The following ZNF202 variants were observed in gnomAD, a reference collection of about 807,000 sequenced individuals.
ZNF202 encodes zinc finger protein 202.
A neutral mutation model predicts 54.5 loss-of-function variants in ZNF202; 22 were observed. That is an observed-to-expected ratio of 0.40 (90% CI 0.29 to 0.58). ZNF202 has a LOEUF of 0.58. ZNF202 is among the 20% of genes least tolerant of loss of function. The probability of loss-of-function intolerance (pLI) is 0.39; values close to 1 mark genes in which losing one functional copy is unlikely to be tolerated. For synonymous variants in ZNF202, 294 were observed against 301.4 expected (o/e 0.98, Z 0.26); for missense variants, 644 against 805.5 (o/e 0.80, Z 2.43).
Position 123,726,588 on chromosome 11 carries a change from A to G in ZNF202, c.1356T>C (p.Pro452=). The change falls in exon 9 of 9, where the codon CCT becomes CCC. Residue 452 remains proline (P), a synonymous_variant. Transcript: ENST00000530393. This position sits in a 1 kb window ranked among gnomAD's most constrained non-coding sequence, Gnocchi z 6.0. ...TCTTCCGGTTTAGGGGATATTTGTA[A>G]GGCGCGTTCATCTTGTGAACCTTTT... is the stretch of plus-strand genomic sequence containing the variant. ...RHQKVHKMNA[P]YKYPLNRKNL... The G allele has an allele frequency of 6.2e-7, 1 of 1,614,158 alleles. No individual in the cohort carries two copies. The highest frequency in any genetic ancestry group is 1.1e-5 in the South Asian group (1 of 91,082).
chr11:123,741,022 A>T (rs1861839575), intron 1 of ZNF202, among the ~76,000 whole-genome samples: 1 of 151,214 alleles, frequency 6.6e-6, no homozygotes, highest in Non-Finnish European at 1.5e-5. Flanking sequence ...AGGTGACAAG[A>T]TCACGGGTGA....
intron 5 of ZNF202, 146 bp downstream of exon 5, chr11:123,729,469 G>T: frequency 1.9e-6 from 2 of 1,067,556 alleles, no homozygotes; most frequent in Non-Finnish European, 2.6e-6. Flanking sequence ...TGGCGGTACT[G>T]TCTCCTCTTG....
chr11:123,737,772 T>G (rs1236497063), intron 3 of ZNF202, among the ~76,000 whole-genome samples: 2 of 152,218 alleles, frequency 1.3e-5, no homozygotes, highest in Non-Finnish European at 2.9e-5. Flanking sequence ...GTGACCTGTG[T>G]TCTGTCCACT....
chr11:123,734,250 G>A (rs1371572282), intron 3 of ZNF202, among the ~76,000 whole-genome samples: 2 of 152,106 alleles, frequency 1.3e-5, no homozygotes, highest in Non-Finnish European at 2.9e-5. Context: ...ACTCCAAGTA[G>A]GTGAGTGGTG....
Position 123,726,172 on chromosome 11 carries a change from C to T in ZNF202, c.1772G>A (p.Arg591Lys). The T allele has an allele frequency of 6.2e-7, 1 of 1,614,242 alleles. No individual in the cohort carries two copies. Among genetic ancestry groups the T allele is most frequent in the South Asian group, 1.1e-5 (1 of 91,090 alleles). Residue 591 changes from arginine to lysine, a missense_variant, in exon 9 of 9, where the codon AGG becomes AAG. Arg to Lys is a conservative substitution (Grantham distance 26). Around this residue, in one of 3 missense-constraint regions of ZNF202, gnomAD observed 536 missense variants for 635.3 expected, o/e 0.84. Coordinates refer to ENST00000530393, the MANE Select transcript of ZNF202 (RefSeq NM_003455.4). This position sits in a 1 kb window ranked among gnomAD's most constrained non-coding sequence, Gnocchi z 6.0. ...AKHLRGHASVRPCRCNECGKS... is the reference protein window; with the variant it reads ...AKHLRGHASVKPCRCNECGKS... ...CCCACATTCGTTGCATCGGCAGGGC[C>T]TCACTGAGGCGTGTCCTCTCAAGTG...
chr11:123,735,672 C>T (rs534078326), intron 3 of ZNF202, among the ~76,000 whole-genome samples: 4 of 152,088 alleles, frequency 2.6e-5, no homozygotes, highest in African/African-American at 9.7e-5. Flanking sequence ...TACCCAAGAG[C>T]CCTTGTAAAG....
intron 3 of ZNF202, 104 bp downstream of exon 3, chr11:123,740,013 G>A (rs192711668): frequency 1.3e-4 from 20 of 152,294 alleles, no homozygotes; most frequent in Admixed American, 1.3e-3. Context: ...AAACTAAAGG[G>A]TTTGCTGGTG....
chr11:123,727,982 C>A (rs192900766), intron 7 of ZNF202, 151 bp downstream of exon 7: 2 of 842,806 alleles, frequency 2.4e-6, no homozygotes, highest in Non-Finnish European at 3.5e-6. Context: ...GAAAGGACAC[C>A]ATATTTTTCA....
In ZNF202 at chr11:123,726,210, T is replaced by G. The variant is rs751908145; in HGVS notation, c.1734A>C (p.Ala578=). The G allele has an allele frequency of 1.9e-5, 30 of 1,614,218 alleles. No homozygotes were observed. Among genetic ancestry groups the G allele is most frequent in the Non-Finnish European group, 2.5e-5 (29 of 1,180,038 alleles). Residue 578 remains alanine, a synonymous_variant, in exon 9 of 9, where the codon GCA becomes GCC. Transcript: ENST00000530393. This position sits in a 1 kb window ranked among gnomAD's most constrained non-coding sequence, Gnocchi z 6.0. ...GTCCTCTCAAGTGCTTGGCGAACGC[T>G]GCGCTGTGGGTGAAGCAGCGCCCGC... The part of the protein sequence containing the change: ...SECGRCFTHS[A]AFAKHLRGHA...
intron 3 of ZNF202, chr11:123,739,323 GGA>G (rs2137379198): frequency 6.6e-6 from 1 of 152,320 alleles, no homozygotes; most frequent in Non-Finnish European, 1.5e-5. Context: ...CAAGAGGGGA[GGA>G]GGACAAGGGA....
At chr11:123,741,143 G>A (rs1043486426) in intron 1 of ZNF202, among the ~76,000 whole-genome samples, 34 of 152,112 alleles carry the variant, frequency 2.2e-4, no homozygotes, top group Admixed American at 1.9e-3. Flanking sequence ...TGAGAGGAGG[G>A]GTAAGAAAAA....
At chr11:123,735,420 A>G (rs1442367925) in intron 3 of ZNF202, among the ~76,000 whole-genome samples, 2 of 152,232 alleles carry the variant, frequency 1.3e-5, no homozygotes, top group African/African-American at 4.8e-5. Flanking sequence ...TGCCCTTCAG[A>G]AATCACAAGC....
chr11:123,725,303 A>G lies in ZNF202; in HGVS notation c.*694T>C, dbSNP rs1042419422. Reference sequence around the variant, plus strand: ...CTCGTATGGAAAGAGGCTTCTGACTAGGCCCTCCTTTCTAGCAGTGTTTGG... The same window carrying G: ...CTCGTATGGAAAGAGGCTTCTGACTGGGCCCTCCTTTCTAGCAGTGTTTGG... On this transcript the variant is annotated 3_prime_UTR_variant, in exon 9 of 9. Coordinates refer to ENST00000530393, the MANE Select transcript of ZNF202 (RefSeq NM_003455.4). The G allele has an allele frequency of 1.3e-5, 2 of 152,190 alleles. No homozygotes were observed. The highest frequency in any genetic ancestry group is 4.8e-5 in the African/African-American group (2 of 41,454). 9.4% of individuals were successfully genotyped at this position (152,190 alleles called of 1,614,324 possible).
chr11:123,736,586 C>G (rs1055537915), intron 3 of ZNF202, among the ~76,000 whole-genome samples: 1 of 152,156 alleles, frequency 6.6e-6, no homozygotes, highest in Non-Finnish European at 1.5e-5. Flanking sequence ...GAAAGATTAG[C>G]CCAGTACAAT....
chr11:123,728,315 T>C (rs1243429126), intron 6 of ZNF202, 53 bp from the exon 7 acceptor site: 3 of 1,552,296 alleles, frequency 1.9e-6, no homozygotes, highest in East Asian at 2.4e-5. Flanking sequence ...TAGCCTCGTA[T>C]TTTGTCCCTG....
chr11:123,736,101 A>G (rs1343809580), intron 3 of ZNF202, among the ~76,000 whole-genome samples: 3 of 152,184 alleles, frequency 2.0e-5, no homozygotes, highest in Non-Finnish European at 4.4e-5. Flanking sequence ...CCTCTGTACA[A>G]TCCTCAGGCC....
chr11:123,731,069 T>C, intron 3 of ZNF202, 84 bp from the exon 4 acceptor site: 3 of 609,682 alleles, frequency 4.9e-6, no homozygotes, highest in Non-Finnish European at 8.0e-6. Flanking sequence ...CATAATCCTC[T>C]ACACAAACTT....
At chr11:123,735,884 A>G (rs1459545088) in intron 3 of ZNF202, among the ~76,000 whole-genome samples, 1 of 152,234 alleles carries the variant, frequency 6.6e-6, no homozygotes, top group Non-Finnish European at 1.5e-5. Flanking sequence ...CTATTCTAAT[A>G]CCTTTCTTCA....
Position 123,729,642 on chromosome 11 carries a change from C to T in ZNF202, c.586G>A (p.Glu196Lys), listed in dbSNP as rs750962219. Reference protein sequence around the residue: ...APAEQRPHQEEELQTLQESEV... With the variant: ...APAEQRPHQEKELQTLQESEV... ...CTCTCCTGCAGGGTCTGGAGCTCCT[C>T]TTCCTGGTGTGGACGCTGCTCTGCC... The change falls in exon 5 of 9, where the codon GAG (glutamate) becomes AAG (lysine). Residue 196 changes from glutamate to lysine, a missense_variant. By Grantham distance (56) the Glu-to-Lys change is moderately conservative. This residue lies in a region of ZNF202 where 536 missense variants were observed against 635.3 expected (regional missense o/e 0.84). Coordinates refer to ENST00000530393, the MANE Select transcript of ZNF202 (RefSeq NM_003455.4). 3.7e-6 allele frequency: 6 copies of T among 1,605,222 alleles called. No individual in the cohort carries two copies. The South Asian group carries it at 4.5e-5, about 12-fold the overall frequency.
Sources: gnomAD v4.1 joint callset for allele counts (sites outside exome capture counted in the v4.1 genomes callset) on GRCh38, gnomAD v4.1.1 for gene constraint, gnomAD v4.1.1 regional missense constraint, Gnocchi (gnomAD v3.1) non-coding constraint, MANE v1.5 for transcripts, NCBI Gene and HGNC (gene_info 2026-07-23, HGNC 2026-07-21) for gene names.